Variants in SFSWAP observed in about 807,000 individuals in gnomAD.
SFSWAP encodes splicing factor, suppressor of white-apricot homolog.
In SFSWAP, 17 loss-of-function variants were observed where a neutral mutation model predicts 100.7. The ratio of observed to expected loss-of-function variants is 0.17; its 90% confidence interval spans 0.12 to 0.25. SFSWAP has a LOEUF of 0.25. Among genes scored for constraint, SFSWAP ranks in the 10% least tolerant of loss-of-function variants. The pLI is 1.00. For synonymous variants in SFSWAP, 504 were observed against 510.1 expected (o/e 0.99, Z 0.16); for missense variants, 1,005 against 1,262.6 (o/e 0.80, Z 3.09).
In SFSWAP at chr12:131,794,830, A is replaced by G. The variant is rs535514405; in HGVS notation, c.2535-2348A>G. On this transcript the variant is annotated intron_variant, in intron 15 of 17. Coordinates refer to ENST00000261674, the MANE Select transcript of SFSWAP (RefSeq NM_004592.4). This position sits in a 1 kb window ranked among gnomAD's most constrained non-coding sequence, Gnocchi z 4.8. ...TGGCACCTCGGTGCTTTAAAAAAAA[A>G]TGAATGAGTTGCTCCATTCCTTCAG... is the stretch of plus-strand genomic sequence containing the variant. 2.0e-4 allele frequency among the ~76,000 whole-genome samples: 30 copies of G among 152,326 alleles called. No homozygotes were observed. Among genetic ancestry groups the G allele is most frequent in the African/African-American group, 6.5e-4 (27 of 41,586 alleles).
At position 131,794,746 on chromosome 12, in the gene SFSWAP, T is replaced by C. The variant is rs996982244; in HGVS notation, c.2535-2432T>C. 6.6e-6 allele frequency among the ~76,000 whole-genome samples: 1 copy of C among 152,138 alleles called. No homozygotes were observed. The highest frequency in any genetic ancestry group is 1.5e-5 in the Non-Finnish European group (1 of 68,032). On this transcript the variant is annotated intron_variant, in intron 15 of 17. Transcript: ENST00000261674. The surrounding 1 kb of genome is among the most constrained non-coding windows in gnomAD (Gnocchi z 4.8). ...CGTGGATAAGGCCCAGGTGTCAGGG[T>C]GTGCGCACTTGCCAAGCTCAGCGGC...
chr12:131,791,606 A>G (rs970828960), intron 15 of SFSWAP, among the ~76,000 whole-genome samples: 7 of 151,474 alleles, frequency 4.6e-5, no homozygotes, highest in African/African-American at 1.7e-4. Flanking sequence ...CAAAAAATTA[A>G]CCGGGTGTGG....
intron 11 of SFSWAP, 24 bp from the exon 12 acceptor site, chr12:131,764,432 A>G (rs1228168664): frequency 2.5e-6 from 4 of 1,592,628 alleles, no homozygotes; most frequent in African/African-American, 1.3e-5. Context: ...AACATGTATC[A>G]TAATTCTCAC....
Position 131,725,647 on chromosome 12 carries a change from C to T in SFSWAP, c.832+17C>T. On this transcript the variant is annotated intron_variant, in intron 5 of 17. Coordinates refer to ENST00000261674, the MANE Select transcript of SFSWAP (RefSeq NM_004592.4). This position sits in a 1 kb window ranked among gnomAD's most constrained non-coding sequence, Gnocchi z 4.3. ...AGAAAAAAAGTAGGTCCCACTGCGT[C>T]TGTTCCGTCCAGACTTTGGGCCTGT... is the stretch of plus-strand genomic sequence containing the variant. The T allele has an allele frequency of 6.3e-7, 1 of 1,586,610 alleles. No individual in the cohort carries two copies.
At chr12:131,717,761 C>T (rs931537300) in intron 3 of SFSWAP, among the ~76,000 whole-genome samples, 13 of 152,138 alleles carry the variant, frequency 8.5e-5, no homozygotes, top group African/African-American at 2.9e-4. Context: ...GACAGAGTCT[C>T]GCTCTGTCAC....
Position 131,786,199 on chromosome 12 carries a change from G to A in SFSWAP, c.2409-264G>A, listed in dbSNP as rs943540604. Among the ~76,000 whole-genome samples, 3 of 152,346 alleles carry A rather than the reference G, an allele frequency of 2.0e-5. No individual in the cohort carries two copies. The East Asian group carries it at 5.8e-4, about 29-fold the overall frequency. ...CAGCCTCCACGCCAGTTGCATGTTGGTTAAAAGTTTGTCCTTGGTGCGATA... is the reference window on the plus strand; with the variant it reads ...CAGCCTCCACGCCAGTTGCATGTTGATTAAAAGTTTGTCCTTGGTGCGATA... On this transcript the variant is annotated intron_variant, in intron 14 of 17. Coordinates refer to ENST00000261674, the MANE Select transcript of SFSWAP (RefSeq NM_004592.4).
intron 15 of SFSWAP, among the ~76,000 whole-genome samples, chr12:131,790,070 C>T (rs1036885414): frequency 2.6e-5 from 4 of 152,048 alleles, no homozygotes; most frequent in African/African-American, 9.7e-5. Flanking sequence ...AAAATAGTGA[C>T]TTTCCCCCTC....
At position 131,730,769 on chromosome 12, in the gene SFSWAP, C is replaced by T. The variant is rs896088349; in HGVS notation, c.1081+2341C>T. On this transcript the variant is annotated intron_variant, in intron 7 of 17. Transcript: ENST00000261674. This position sits in a 1 kb window ranked among gnomAD's most constrained non-coding sequence, Gnocchi z 4.0. ...TGACTACCACCACCCTGGGCACTGA[C>T]GGCACCCCACCCTATCCTCCCAACT... 5.3e-5 allele frequency among the ~76,000 whole-genome samples: 8 copies of T among 152,144 alleles called. No individual in the cohort carries two copies. Among genetic ancestry groups the T allele is most frequent in the Admixed American group, 2.0e-4 (3 of 15,284 alleles).
intron 3 of SFSWAP, among the ~76,000 whole-genome samples, chr12:131,715,621 G>A (rs565295128): frequency 5.3e-5 from 8 of 152,352 alleles, no homozygotes; most frequent in Admixed American, 2.0e-4. Flanking sequence ...CTACCACAGC[G>A]CTGCATCATG....
intron 17 of SFSWAP, 137 bp from the exon 18 acceptor site, chr12:131,799,286 A>G: frequency 1.9e-6 from 2 of 1,066,504 alleles, no homozygotes; most frequent in East Asian, 2.5e-5. Flanking sequence ...CGCACCCTGC[A>G]CAGCCAGGCT....
intron 11 of SFSWAP, among the ~76,000 whole-genome samples, chr12:131,758,277 CCTT>C (rs763778944): frequency 1.5e-4 from 23 of 152,156 alleles, no homozygotes; most frequent in Non-Finnish European, 2.9e-4. Context: ...ACCAGCGTGA[CCTT>C]CTCCACACTT....
intron 7 of SFSWAP, among the ~76,000 whole-genome samples, chr12:131,744,550 T>G (rs912813166): frequency 6.6e-6 from 1 of 152,228 alleles, no homozygotes; most frequent in African/African-American, 2.4e-5. Context: ...TATCAGCATT[T>G]TGGGCAAAGC....
intron 3 of SFSWAP, among the ~76,000 whole-genome samples, chr12:131,718,489 A>G (rs576940266): frequency 6.6e-6 from 1 of 152,356 alleles, no homozygotes; most frequent in East Asian, 1.9e-4. Flanking sequence ...CTTAGAATAC[A>G]GAAAGATAAT....
In SFSWAP at chr12:131,794,933, G is replaced by A. The variant is rs888566975; in HGVS notation, c.2535-2245G>A. Among the ~76,000 whole-genome samples, 1 of 152,212 alleles carries A rather than the reference G, an allele frequency of 6.6e-6. No homozygotes were observed. The highest frequency in any genetic ancestry group is 2.4e-5 in the African/African-American group (1 of 41,446). The stretch of plus-strand genomic sequence containing the variant: ...TAGTAACCTGCCTTTTGTTCATTAT[G>A]CAGCCACATAAACTCAGCTGGATTT... On this transcript the variant is annotated intron_variant, in intron 15 of 17. Coordinates refer to ENST00000261674, the MANE Select transcript of SFSWAP (RefSeq NM_004592.4). The surrounding 1 kb of genome is among the most constrained non-coding windows in gnomAD (Gnocchi z 4.8).
intron 13 of SFSWAP, among the ~76,000 whole-genome samples, chr12:131,773,708 T>C (rs1197990588): frequency 6.6e-6 from 1 of 152,154 alleles, no homozygotes; most frequent in African/African-American, 2.4e-5. Context: ...GAAAAGGAAA[T>C]AGGAACTGAA....
In SFSWAP at chr12:131,796,993, G is replaced by A. The variant is rs149514950; in HGVS notation, c.2535-185G>A. The A allele has an allele frequency of 2.9e-5, 17 of 577,040 alleles. No homozygotes were observed. The Middle Eastern group carries it at 1.1e-3, about 38-fold the overall frequency. The allele number at this position is 577,040 out of a possible 1,614,324, so 35.7% of individuals were successfully genotyped here. ...TACTTGAGGTCCTAAATGGGGACGCGTCATCTGTTATCAGTTAAATGAAAT... is the reference window on the plus strand; with the variant it reads ...TACTTGAGGTCCTAAATGGGGACGCATCATCTGTTATCAGTTAAATGAAAT... On this transcript the variant is annotated intron_variant, in intron 15 of 17. Coordinates refer to ENST00000261674, the MANE Select transcript of SFSWAP (RefSeq NM_004592.4).
At chr12:131,760,477 G>A (rs1882563549) in intron 11 of SFSWAP, among the ~76,000 whole-genome samples, 1 of 152,072 alleles carries the variant, frequency 6.6e-6, no homozygotes, top group African/African-American at 2.4e-5. Flanking sequence ...AATTGATAAA[G>A]TTTAAAAAAA....
At chr12:131,768,048 C>A (rs1230236850) in intron 13 of SFSWAP, among the ~76,000 whole-genome samples, 1 of 152,256 alleles carries the variant, frequency 6.6e-6, no homozygotes, top group Admixed American at 6.5e-5. Context: ...CGCGTGCTCG[C>A]TCATCTATAT....
intron 14 of SFSWAP, among the ~76,000 whole-genome samples, chr12:131,779,771 CTTAT>C (rs1000850772): frequency 3.9e-5 from 6 of 151,936 alleles, no homozygotes; most frequent in East Asian, 1.9e-4. Context: ...GCTTTCTTTA[CTTAT>C]TTATTTATTT....
Sources: gnomAD v4.1 joint callset for allele counts (sites outside exome capture counted in the v4.1 genomes callset) on GRCh38, gnomAD v4.1.1 for gene constraint, Gnocchi (gnomAD v3.1) non-coding constraint, MANE v1.5 for transcripts, NCBI Gene and HGNC (gene_info 2026-07-23, HGNC 2026-07-21) for gene names.